Variants in NALF1 observed in about 807,000 individuals in gnomAD.
NALF1 encodes the protein family with sequence similarity 155 member A.
In NALF1, 3 loss-of-function variants were observed where a neutral mutation model predicts 48.4. The ratio of observed to expected loss-of-function variants is 0.06; its 90% CI spans 0.03 to 0.16. The LOEUF (loss-of-function observed/expected upper bound fraction) is 0.16. NALF1 is among the 10% of genes least tolerant of loss of function. The pLI, the probability that NALF1 is intolerant of heterozygous loss-of-function variation, is 1.00. For synonymous variants in NALF1, 262 were observed against 245.7 expected, an observed-to-expected ratio of 1.07 and a Z score of -0.62; for missense variants, 526 against 571.5, an observed-to-expected ratio of 0.92 and a Z score of 0.81.
At chr13:107,737,889 G>A (rs1452134593) in intron 1 of NALF1, among the ~76,000 whole-genome samples, 1 of 152,082 alleles carries the variant, frequency 6.6e-6, no homozygotes, top group Non-Finnish European at 1.5e-5. Flanking sequence ...AATAGAAAAT[G>A]CATCCACGTA....
chr13:107,438,775 C>G (rs1241742762), intron 1 of NALF1, among the ~76,000 whole-genome samples: 1 of 126,812 alleles, frequency 7.9e-6, no homozygotes, highest in Admixed American at 9.8e-5. Flanking sequence ...CAGCAGTGAG[C>G]TGAGATCATA....
At chr13:107,640,168 A>G (rs1454708387) in intron 1 of NALF1, among the ~76,000 whole-genome samples, 1 of 152,198 alleles carries the variant, frequency 6.6e-6, no homozygotes, top group Non-Finnish European at 1.5e-5. Context: ...CTTCTGCCAA[A>G]AAAAAGAAGA....
chr13:107,353,025 C>T (rs1312705436), intron 1 of NALF1, among the ~76,000 whole-genome samples: 1 of 152,098 alleles, frequency 6.6e-6, no homozygotes, highest in African/African-American at 2.4e-5. Context: ...ACCTGCATAA[C>T]GAGACAACCT....
intron 1 of NALF1, among the ~76,000 whole-genome samples, chr13:107,647,473 A>T (rs2138464646): frequency 6.6e-6 from 1 of 152,094 alleles, no homozygotes; most frequent in Middle Eastern, 3.4e-3. Context: ...GAAAAAAAAA[A>T]AAAACTTAAA....
chr13:107,374,707 A>G (rs1013625499), intron 1 of NALF1, among the ~76,000 whole-genome samples: 3 of 152,126 alleles, frequency 2.0e-5, no homozygotes, highest in African/African-American at 2.4e-5. Context: ...GCAGGTGTTT[A>G]GGTCATGAGG....
chr13:107,730,299 T>A (rs1445526220), intron 1 of NALF1, among the ~76,000 whole-genome samples: 1 of 152,208 alleles, frequency 6.6e-6, no homozygotes, highest in Non-Finnish European at 1.5e-5. Flanking sequence ...ACAGTGGGAT[T>A]CAGGCTCAAT....
intron 1 of NALF1, among the ~76,000 whole-genome samples, chr13:107,234,220 T>C (rs1452501944): frequency 2.0e-5 from 3 of 152,320 alleles, no homozygotes; most frequent in African/African-American, 7.2e-5. Context: ...CTTTCCTTCC[T>C]ATATTTTTAA....
At chr13:107,260,408 T>A (rs1475368416) in intron 1 of NALF1, among the ~76,000 whole-genome samples, 1 of 152,234 alleles carries the variant, frequency 6.6e-6, no homozygotes, top group East Asian at 1.9e-4. Context: ...TGTCACATTT[T>A]GAAAGTCAGG....
Position 107,168,986 on chromosome 13 carries a change from T to C in NALF1, c.*1511A>G, listed in dbSNP as rs1316418950. ...ATTTTTTTTTTAATTATTTGTTTTG[T>C]TTGTTTGTTTGTTTTTTTAAAAACA... On this transcript the variant is annotated 3_prime_UTR_variant, in exon 3 of 3. Transcript: ENST00000375915. 1 of 148,666 alleles carries C rather than the reference T, an allele frequency of 6.7e-6. No individual in the cohort carries two copies. Among genetic ancestry groups the C allele is most frequent in the Non-Finnish European group, 1.5e-5 (1 of 65,704 alleles). 9.2% of individuals were successfully genotyped at this position (148,666 alleles called of 1,614,324 possible).
At position 107,741,556 on chromosome 13, in the gene NALF1, G is replaced by C. The variant is rs989679255; in HGVS notation, c.915+124126C>G. ...TGAGAAAATGATGGTACTATAAACG[G>C]GAAGAGAAATATCTTGCAATAATAC... On this transcript the variant is annotated intron_variant, in intron 1 of 2. Coordinates refer to ENST00000375915, the MANE Select transcript of NALF1 (RefSeq NM_001080396.3). Among the ~76,000 whole-genome samples, 11 of 151,904 alleles carry C rather than the reference G, an allele frequency of 7.2e-5. No homozygotes were observed. The East Asian group carries it at 1.9e-3, about 27-fold the overall frequency.
intron 1 of NALF1, among the ~76,000 whole-genome samples, chr13:107,471,134 T>C (rs575354421): frequency 6.6e-6 from 1 of 151,910 alleles, no homozygotes; most frequent in Non-Finnish European, 1.5e-5. Flanking sequence ...GAGAAATCCA[T>C]GCATCTCTAG....
intron 1 of NALF1, among the ~76,000 whole-genome samples, chr13:107,582,376 A>C (rs1878336961): frequency 6.6e-6 from 1 of 152,206 alleles, no homozygotes. Context: ...CGTGTTACAG[A>C]AGTGCCACTG....
At chr13:107,671,550 T>C (rs900060389) in intron 1 of NALF1, among the ~76,000 whole-genome samples, 9 of 152,154 alleles carry the variant, frequency 5.9e-5, no homozygotes, top group African/African-American at 2.2e-4. Context: ...TGGAATCTAA[T>C]ATCAAAGGTA....
intron 1 of NALF1, among the ~76,000 whole-genome samples, chr13:107,522,720 T>A (rs1364950554): frequency 6.6e-6 from 1 of 151,942 alleles, no homozygotes; most frequent in African/African-American, 2.4e-5. Flanking sequence ...TCTCCTGCCT[T>A]TGCGTCCCGA....
At position 107,616,140 on chromosome 13, in the gene NALF1, T is replaced by C. The variant is rs1594163163; in HGVS notation, c.915+249542A>G. Among the ~76,000 whole-genome samples the C allele has an allele frequency of 2.0e-5, 3 of 152,136 alleles. No homozygotes were observed. In the South Asian group the frequency reaches 6.2e-4, roughly 32 times the overall value. On this transcript the variant is annotated intron_variant, in intron 1 of 2. Coordinates refer to ENST00000375915, the MANE Select transcript of NALF1 (RefSeq NM_001080396.3). ...GAAATTAATACCTGCATAAACAAGA[T>C]GGAAACTTCCTGGAAAAGAAACATC...
chr13:107,716,410 C>T (rs571281828), intron 1 of NALF1, among the ~76,000 whole-genome samples: 16 of 152,262 alleles, frequency 1.1e-4, no homozygotes, highest in South Asian at 8.3e-4. Context: ...TGCTTAATGC[C>T]GAATACAAGA....
chr13:107,396,225 C>A (rs951884599), intron 1 of NALF1, among the ~76,000 whole-genome samples: 3 of 152,094 alleles, frequency 2.0e-5, no homozygotes, highest in African/African-American at 7.2e-5. Context: ...ATGTCCTCAT[C>A]TAACCTCCTC....
chr13:107,318,355 C>T (rs1156281881), intron 1 of NALF1, among the ~76,000 whole-genome samples: 1 of 152,002 alleles, frequency 6.6e-6, no homozygotes, highest in Non-Finnish European at 1.5e-5. Context: ...GTGTCACTGC[C>T]CTAACATGGC....
At chr13:107,726,661 G>A (rs1426066572) in intron 1 of NALF1, among the ~76,000 whole-genome samples, 1 of 142,942 alleles carries the variant, frequency 7.0e-6, no homozygotes, top group Non-Finnish European at 1.5e-5. Context: ...CCAGATTAGA[G>A]TGCAGTGGCG....
Sources: allele counts gnomAD v4.1 joint callset (sites outside exome capture counted in the v4.1 genomes callset), GRCh38; gene constraint gnomAD v4.1.1; transcripts MANE v1.5; gene names NCBI Gene and HGNC (gene_info 2026-07-23, HGNC 2026-07-21).